TNFSF4: variants seen among roughly 807,000 people sequenced by gnomAD.
The protein encoded by TNFSF4 is TNF superfamily member 4, also known as tumor necrosis factor ligand superfamily member 4.
In TNFSF4, 4 loss-of-function variants were observed where a neutral mutation model predicts 7.3. The ratio of observed to expected loss-of-function variants is 0.55; its 90% CI spans 0.27 to 1.25. The LOEUF (loss-of-function observed/expected upper bound fraction) is 1.25. TNFSF4 is among the 50% of genes most tolerant of loss of function. The pLI is 0.12. For synonymous variants in TNFSF4, 76 were observed against 83.7 expected (o/e 0.91, Z 0.50); for missense variants, 181 against 208.8 (o/e 0.87, Z 0.82).
At chr1:173,387,315 T>G in the TNFSF4 span, among the ~76,000 whole-genome samples, 1 of 152,114 alleles carries the variant, frequency 6.6e-6, no homozygotes, top group African/African-American at 2.4e-5. Flanking sequence ...CCGTCTTGGA[T>G]GGGACTAATA....
upstream of TNFSF4, among the ~76,000 whole-genome samples, chr1:173,210,283 G>A (rs74480861): frequency 1.1e-3 from 175 of 152,254 alleles, no homozygotes; most frequent in Middle Eastern, 6.8e-3. Flanking sequence ...GAAAGTTCTG[G>A]GTCCTAGGTA....
At chr1:173,255,274 C>T in the TNFSF4 span, among the ~76,000 whole-genome samples, 1 of 152,148 alleles carries the variant, frequency 6.6e-6, no homozygotes, top group Non-Finnish European at 1.5e-5. Context: ...CTTTAATGCT[C>T]CCTAAAGTTC....
chr1:173,206,202 G>C lies in TNFSF4; in HGVS notation c.153+822C>G, dbSNP rs115033424. ...AACAAAGGAACACGAAGAGAGTATA[G>C]ATTTATTTTTCTCCAGTGGCATCTT... On this transcript the variant is annotated intron_variant, in intron 1 of 2. Coordinates refer to ENST00000281834, the MANE Select transcript of TNFSF4 (RefSeq NM_003326.5). 1.8e-3 allele frequency among the ~76,000 whole-genome samples: 274 copies of C among 152,080 alleles called. 3 individuals carry two copies. The highest frequency in any genetic ancestry group is 6.4e-3 in the African/African-American group (265 of 41,502).
chr1:173,427,355 G>C, the TNFSF4 span, among the ~76,000 whole-genome samples: 3 of 152,114 alleles, frequency 2.0e-5, no homozygotes, highest in Non-Finnish European at 4.4e-5. Context: ...GCTGCTACTG[G>C]TATCTAGTGG....
At chr1:173,317,776 G>A in the TNFSF4 span, among the ~76,000 whole-genome samples, 8 of 152,116 alleles carry the variant, frequency 5.3e-5, no homozygotes, top group Non-Finnish European at 1.0e-4. Flanking sequence ...TCCAATTAAA[G>A]TATCAATAGG....
At chr1:173,405,662 AT>A in the TNFSF4 span, among the ~76,000 whole-genome samples, 1 of 151,978 alleles carries the variant, frequency 6.6e-6, no homozygotes, top group African/African-American at 2.4e-5. Flanking sequence ...CACTGTCTGA[AT>A]CATGTACAAC....
the TNFSF4 span, among the ~76,000 whole-genome samples, chr1:173,285,280 T>C: frequency 6.6e-6 from 1 of 152,158 alleles, no homozygotes; most frequent in African/African-American, 2.4e-5. Flanking sequence ...AATTATATGC[T>C]AAAATTTGAA....
intron 1 of TNFSF4, among the ~76,000 whole-genome samples, chr1:173,204,238 T>C (rs1650078979): frequency 6.6e-6 from 1 of 152,194 alleles, no homozygotes; most frequent in Admixed American, 6.5e-5. Context: ...AACTATATAC[T>C]CATAAGATAT....
the TNFSF4 span, among the ~76,000 whole-genome samples, chr1:173,336,297 TC>T: frequency 6.6e-6 from 1 of 152,232 alleles, no homozygotes; most frequent in Non-Finnish European, 1.5e-5. Flanking sequence ...ACACTCCCAT[TC>T]AATTTGCCTA....
chr1:173,210,763 C>G (rs1435445025), upstream of TNFSF4, among the ~76,000 whole-genome samples: 1 of 152,100 alleles, frequency 6.6e-6, no homozygotes, highest in Non-Finnish European at 1.5e-5. Flanking sequence ...AAGGCAGGAT[C>G]AAGTTGGCCA....
the TNFSF4 span, among the ~76,000 whole-genome samples, chr1:173,319,667 A>T: frequency 6.6e-6 from 1 of 152,224 alleles, no homozygotes; most frequent in Admixed American, 6.5e-5. Flanking sequence ...AAGAGCAGGC[A>T]GCAATCTTTG....
the TNFSF4 span, among the ~76,000 whole-genome samples, chr1:173,373,634 C>A: frequency 6.6e-6 from 1 of 152,150 alleles, no homozygotes; most frequent in Non-Finnish European, 1.5e-5. Context: ...TCAAAGCCTG[C>A]GAGGTGTGCC....
At chr1:173,447,016 C>T in the TNFSF4 span, among the ~76,000 whole-genome samples, 1 of 152,308 alleles carries the variant, frequency 6.6e-6, no homozygotes, top group East Asian at 1.9e-4. Context: ...CTGACTAATA[C>T]ACTGTGGTAT....
chr1:173,376,005 C>T, the TNFSF4 span, among the ~76,000 whole-genome samples: 1 of 152,162 alleles, frequency 6.6e-6, no homozygotes, highest in South Asian at 2.1e-4. Context: ...CCTCTCTGTG[C>T]TTGGTCCCTC....
chr1:173,329,686 T>C, the TNFSF4 span, among the ~76,000 whole-genome samples: 5 of 152,308 alleles, frequency 3.3e-5, no homozygotes, highest in African/African-American at 9.6e-5. Flanking sequence ...TTCAGTTCAA[T>C]AGGCAATTAT....
the TNFSF4 span, among the ~76,000 whole-genome samples, chr1:173,316,972 C>A: frequency 6.6e-6 from 1 of 152,264 alleles, no homozygotes; most frequent in Admixed American, 6.5e-5. Context: ...CATTGACAGT[C>A]CCATCTCTGT....
At chr1:173,267,177 T>C in the TNFSF4 span, among the ~76,000 whole-genome samples, 2 of 152,134 alleles carry the variant, frequency 1.3e-5, no homozygotes, top group African/African-American at 4.8e-5. Context: ...TAAGGTGAAA[T>C]AGAGCTTGGG....
intron 1 of TNFSF4, among the ~76,000 whole-genome samples, chr1:173,200,469 T>C (rs1474490338): frequency 6.6e-6 from 1 of 152,238 alleles, no homozygotes; most frequent in Non-Finnish European, 1.5e-5. Flanking sequence ...GTTTAGGTTT[T>C]ATTGCACCAT....
At chr1:173,369,240 A>G in the TNFSF4 span, among the ~76,000 whole-genome samples, 1 of 152,184 alleles carries the variant, frequency 6.6e-6, no homozygotes, top group Non-Finnish European at 1.5e-5. Flanking sequence ...TTTGAGGCAC[A>G]TCATCTTTAT....
Sources: allele counts gnomAD v4.1 joint callset (sites outside exome capture counted in the v4.1 genomes callset), GRCh38; gene constraint gnomAD v4.1.1; transcripts MANE v1.5; gene names NCBI Gene and HGNC (gene_info 2026-07-23, HGNC 2026-07-21).